HOOK3: variants seen among roughly 807,000 people sequenced by gnomAD.
HOOK3 encodes protein Hook homolog 3.
Under a neutral mutation model 116.3 loss-of-function variants are expected in HOOK3, and 24 were observed. The ratio of observed to expected loss-of-function variants is 0.21; its 90% CI spans 0.15 to 0.29. HOOK3 has a LOEUF of 0.29. Among genes scored for constraint, HOOK3 ranks in the 10% least tolerant of loss-of-function variants. HOOK3 has a pLI of 1.00. For missense variants in HOOK3, 632 were observed against 830.2 expected, an observed-to-expected ratio of 0.76 and a Z score of 2.93; for synonymous variants, 275 against 283.0, an observed-to-expected ratio of 0.97 and a Z score of 0.28.
intron 2 of HOOK3, among the ~76,000 whole-genome samples, chr8:42,909,777 A>G (rs1025035594): frequency 6.6e-6 from 1 of 152,192 alleles, no homozygotes; most frequent in Non-Finnish European, 1.5e-5. Flanking sequence ...CCAAAGAAGG[A>G]AATTCTGTCA....
intron 17 of HOOK3, among the ~76,000 whole-genome samples, chr8:43,002,541 A>G (rs564890621): frequency 1.3e-5 from 2 of 152,348 alleles, no homozygotes; most frequent in East Asian, 1.9e-4. Flanking sequence ...ACATCAATTA[A>G]TGGTTGTGAC....
In HOOK3 at chr8:43,024,462, A is replaced by G. The variant is rs1809895984; in HGVS notation, c.*5964A>G. 1 of 186,286 alleles carries G rather than the reference A, an allele frequency of 5.4e-6. No individual in the cohort carries two copies. Among genetic ancestry groups the G allele is most frequent in the Admixed American group, 6.2e-5 (1 of 16,104 alleles). The allele number at this position is 186,286 out of a possible 1,614,324, so 11.5% of individuals were successfully genotyped here. A position where few individuals can be genotyped will look rare whatever the true frequency, so the allele number is the denominator to read the frequency against. On this transcript the variant is annotated 3_prime_UTR_variant, in exon 22 of 22. Transcript: ENST00000307602. ...GAAGGATTTTCCATTCAATAAGGAT[A>G]ATCTCTCTTCCTATCATTCTGTCAA...
chr8:42,926,485 C>G (rs949078317), intron 3 of HOOK3, among the ~76,000 whole-genome samples: 2 of 152,122 alleles, frequency 1.3e-5, no homozygotes, highest in Non-Finnish European at 2.9e-5. Context: ...GGGGTTTCAC[C>G]CTGTTGACCA....
chr8:42,986,708 A>C lies in HOOK3; in HGVS notation c.1445A>C (p.Glu482Ala), dbSNP rs1809055585. The stretch of plus-strand genomic sequence containing the variant: ...AATAAGATGTTAAAGCTTAACCAAG[A>C]AGGTTCGGACAATGAAAAAATAGCC... ...HENKMLKLNQ[E>A]GSDNEKIALL... is the part of the protein sequence containing the mutation. Residue 482 changes from glutamate to alanine, a missense_variant, in exon 15 of 22, where the codon GAA becomes GCA. Glu to Ala is a moderately radical substitution (Grantham distance 107). Transcript: ENST00000307602. 6.2e-7 allele frequency: 1 copy of C among 1,613,808 alleles called. No individual in the cohort carries two copies. Among genetic ancestry groups the C allele is most frequent in the African/African-American group, 1.3e-5 (1 of 74,934 alleles).
intron 2 of HOOK3, among the ~76,000 whole-genome samples, chr8:42,920,920 G>A (rs1239931839): frequency 6.6e-6 from 1 of 152,112 alleles, no homozygotes; most frequent in Non-Finnish European, 1.5e-5. Flanking sequence ...GTCATACATG[G>A]TGTATATGAT....
At chr8:43,008,663 ATTT>A (rs546007965) in intron 18 of HOOK3, among the ~76,000 whole-genome samples, 3 of 131,460 alleles carry the variant, frequency 2.3e-5, no homozygotes, top group Non-Finnish European at 4.9e-5. Context: ...TTTTATTTTT[ATTT>A]TTTTTTTTTT....
intron 21 of HOOK3, among the ~76,000 whole-genome samples, chr8:43,016,534 C>T (rs1809720389): frequency 6.6e-6 from 1 of 152,182 alleles, no homozygotes; most frequent in Admixed American, 6.5e-5. Context: ...AGTTCTGCTT[C>T]TCAGGTAACT....
chr8:42,960,815 A>T (rs1586610814), intron 8 of HOOK3, among the ~76,000 whole-genome samples: 2 of 152,234 alleles, frequency 1.3e-5, no homozygotes, highest in South Asian at 4.2e-4. Context: ...CCAAATAATC[A>T]CCCAGTCTTT....
At chr8:42,952,485 AC>A (rs1434978513) in intron 6 of HOOK3, among the ~76,000 whole-genome samples, 1 of 152,148 alleles carries the variant, frequency 6.6e-6, no homozygotes, top group South Asian at 2.1e-4. Context: ...TGAATCAGTG[AC>A]CATGATGTCC....
In HOOK3 at chr8:42,953,691, A is replaced by T. The variant is rs531964992; in HGVS notation, c.468+3236A>T. On this transcript the variant is annotated intron_variant, in intron 6 of 21. Coordinates refer to ENST00000307602, the MANE Select transcript of HOOK3 (RefSeq NM_032410.4). ...TCCATTTGTTAGCAAATTCCATTTA[A>T]ATTTCTGTACACTTGCAAGTAATGC... is the stretch of plus-strand genomic sequence containing the variant. 4.6e-5 allele frequency among the ~76,000 whole-genome samples: 7 copies of T among 152,294 alleles called. No homozygotes were observed. In the South Asian group the frequency reaches 1.0e-3, roughly 23 times the overall value.
chr8:42,969,706 T>C (rs1808693052), intron 11 of HOOK3, among the ~76,000 whole-genome samples: 1 of 152,154 alleles, frequency 6.6e-6, no homozygotes, highest in African/African-American at 2.4e-5. Flanking sequence ...TATAAAATGG[T>C]GTCTCCTTTT....
chr8:42,920,066 A>G (rs996375605), intron 2 of HOOK3, among the ~76,000 whole-genome samples: 7 of 152,206 alleles, frequency 4.6e-5, no homozygotes, highest in African/African-American at 1.7e-4. Flanking sequence ...GTGGTACAAA[A>G]GTTATAAACA....
chr8:42,934,085 T>TTA (rs1291850756), intron 4 of HOOK3, among the ~76,000 whole-genome samples: 2 of 151,920 alleles, frequency 1.3e-5, no homozygotes, highest in Non-Finnish European at 2.9e-5. Context: ...ATTTATTTTA[T>TTA]TACTTTACTT....
chr8:42,905,913 C>T (rs1002777238), intron 1 of HOOK3, among the ~76,000 whole-genome samples: 22 of 151,968 alleles, frequency 1.4e-4, no homozygotes, highest in Admixed American at 1.3e-4. Flanking sequence ...TAGTGAAACC[C>T]TGTATCTACT....
chr8:42,965,277 C>T (rs1808611894), intron 9 of HOOK3, among the ~76,000 whole-genome samples: 1 of 152,042 alleles, frequency 6.6e-6, no homozygotes, highest in South Asian at 2.1e-4. Context: ...AAGTTACAGG[C>T]AGGGATTTTT....
intron 4 of HOOK3, among the ~76,000 whole-genome samples, chr8:42,936,202 G>A (rs1807967459): frequency 6.6e-6 from 1 of 152,150 alleles, no homozygotes; most frequent in Non-Finnish European, 1.5e-5. Context: ...TCTGTTATTG[G>A]TGTATAGGAA....
chr8:42,923,358 A>G (rs1325691942), intron 2 of HOOK3, among the ~76,000 whole-genome samples: 1 of 152,246 alleles, frequency 6.6e-6, no homozygotes, highest in African/African-American at 2.4e-5. Context: ...CACAGAAACT[A>G]GTACAGCAGT....
chr8:43,017,763 C>G (rs1300776422), intron 21 of HOOK3, among the ~76,000 whole-genome samples: 1 of 152,146 alleles, frequency 6.6e-6, no homozygotes, highest in Admixed American at 6.6e-5. Context: ...CAGTTGCCTC[C>G]TCTCCCTTCT....
At chr8:42,986,850 T>C in intron 15 of HOOK3, 55 bp downstream of exon 15, 1 of 1,566,024 alleles carries the variant, frequency 6.4e-7, no homozygotes, top group South Asian at 1.1e-5. Flanking sequence ...TTTGCCTTGA[T>C]TCTGAATCCC....
Sources: allele counts gnomAD v4.1 joint callset (sites outside exome capture counted in the v4.1 genomes callset), GRCh38; gene constraint gnomAD v4.1.1; transcripts MANE v1.5; gene names NCBI Gene and HGNC (gene_info 2026-07-23, HGNC 2026-07-21).